Variants in ZNF609 observed in about 807,000 individuals in gnomAD.
ZNF609 encodes the protein zinc finger protein 609.
A neutral mutation model predicts 109.5 loss-of-function variants in ZNF609; 11 were observed. The observed-to-expected ratio is 0.10, with a 90% CI of 0.06 to 0.17. ZNF609 has a LOEUF of 0.17. Ranked by LOEUF, ZNF609 falls within the 10% of genes least tolerant of loss-of-function variation. The pLI, the probability that ZNF609 is intolerant of heterozygous loss-of-function variation, is 1.00. For missense variants in ZNF609, 1,559 were observed against 1,772.4 expected (o/e 0.88, Z 2.16); for synonymous variants, 646 against 662.0 (o/e 0.98, Z 0.37).
chr15:64,595,646 C>G (rs536517828), intron 2 of ZNF609, among the ~76,000 whole-genome samples: 159 of 152,290 alleles, frequency 1.0e-3, no homozygotes, highest in Admixed American at 3.4e-3. Flanking sequence ...TAACATCCAA[C>G]TACCTCATGT....
intron 2 of ZNF609, among the ~76,000 whole-genome samples, chr15:64,620,888 G>A (rs1434156787): frequency 6.6e-6 from 1 of 152,284 alleles, no homozygotes; most frequent in East Asian, 1.9e-4. Flanking sequence ...TTGTGGGAGG[G>A]AAATGGATTA....
At chr15:64,552,270 C>A (rs927196241) in intron 2 of ZNF609, among the ~76,000 whole-genome samples, 1 of 152,026 alleles carries the variant, frequency 6.6e-6, no homozygotes, top group Non-Finnish European at 1.5e-5. Context: ...TATTTTATTC[C>A]TGAAGTTTTG....
chr15:64,502,233 C>T (rs922391341), intron 2 of ZNF609: 1 of 152,222 alleles, frequency 6.6e-6, no homozygotes, highest in Admixed American at 6.5e-5. Context: ...TTCCCCTGTT[C>T]CCTCAACCCT....
chr15:64,483,311 C>T (rs1192845798), intron 1 of ZNF609, among the ~76,000 whole-genome samples: 3 of 152,154 alleles, frequency 2.0e-5, no homozygotes, highest in Non-Finnish European at 4.4e-5. Flanking sequence ...TCAGGCTGGT[C>T]TCGAACTCCC....
At chr15:64,676,385 G>A (rs1181245295) in intron 5 of ZNF609, 129 bp downstream of exon 5, 1 of 785,416 alleles carries the variant, frequency 1.3e-6, no homozygotes, top group Non-Finnish European at 1.9e-6. Context: ...TAATTTTAAG[G>A]ATTCTTTACC....
chr15:64,542,970 C>T (rs1385187308), intron 2 of ZNF609, among the ~76,000 whole-genome samples: 1 of 151,922 alleles, frequency 6.6e-6, no homozygotes, highest in Non-Finnish European at 1.5e-5. Context: ...GGGAGGGGAA[C>T]ATCACACACT....
intron 1 of ZNF609, among the ~76,000 whole-genome samples, chr15:64,462,689 C>T (rs925529706): frequency 3.3e-5 from 5 of 152,162 alleles, no homozygotes; most frequent in African/African-American, 1.2e-4. Flanking sequence ...AACAAAAAAG[C>T]CACAGAATTT....
rs1301303532 is a variant in ZNF609 at position 64,674,829 on chromosome 15, A to G, written c.1975A>G (p.Ile659Val). ...CAAGAGCCTAAAGTCAGCCCGTCCCATTGCCCCTGCCATCCCCCCACAGCA... is the reference window on the plus strand; with the variant it reads ...CAAGAGCCTAAAGTCAGCCCGTCCCGTTGCCCCTGCCATCCCCCCACAGCA... The part of the protein sequence containing the change: ...PSKSLKSARP[I>V]APAIPPQQIY... The change falls in exon 5 of 10, where the codon ATT becomes GTT. Residue 659 changes from isoleucine to valine, a missense_variant. Physicochemically the swap from Ile to Val is conservative, Grantham distance 29. This residue lies in a region of ZNF609 where 1,204 missense variants were observed against 1,314.1 expected (regional missense o/e 0.92). Coordinates refer to ENST00000326648, the MANE Select transcript of ZNF609 (RefSeq NM_015042.2). 5.0e-6 allele frequency: 8 copies of G among 1,613,210 alleles called. No homozygotes were observed. The highest frequency in any genetic ancestry group is 1.7e-5 in the Admixed American group (1 of 59,934).
intron 4 of ZNF609, among the ~76,000 whole-genome samples, chr15:64,671,968 T>C (rs916801616): frequency 6.6e-6 from 1 of 151,810 alleles, no homozygotes; most frequent in Admixed American, 6.6e-5. Context: ...TGCCTCTTAA[T>C]TTTCAGAGAT....
intron 2 of ZNF609, among the ~76,000 whole-genome samples, chr15:64,513,268 G>T (rs1464851313): frequency 6.6e-6 from 1 of 152,100 alleles, no homozygotes; most frequent in Non-Finnish European, 1.5e-5. Flanking sequence ...TATTAGACTA[G>T]ATCTTAATTT....
chr15:64,589,659 G>T (rs1347949443), intron 2 of ZNF609, among the ~76,000 whole-genome samples: 1 of 152,094 alleles, frequency 6.6e-6, no homozygotes, highest in East Asian at 1.9e-4. Context: ...ACTTCTATTT[G>T]AATAGTATTT....
chr15:64,630,599 T>A (rs924914659), intron 3 of ZNF609, among the ~76,000 whole-genome samples: 9 of 151,928 alleles, frequency 5.9e-5, no homozygotes, highest in African/African-American at 2.2e-4. Context: ...TTTCACTGTC[T>A]CCCCCAGCTG....
chr15:64,608,560 TACATCACC>T (rs1895650556), intron 2 of ZNF609, among the ~76,000 whole-genome samples: 1 of 152,204 alleles, frequency 6.6e-6, no homozygotes, highest in Non-Finnish European at 1.5e-5. Flanking sequence ...ACAGAACAGT[TACATCACC>T]ACATCACCAA....
At chr15:64,462,138 C>T (rs1218681421) in intron 1 of ZNF609, among the ~76,000 whole-genome samples, 2 of 152,166 alleles carry the variant, frequency 1.3e-5, no homozygotes, top group African/African-American at 2.4e-5. Flanking sequence ...TCTTCCTTTT[C>T]CAGACTGGGG....
chr15:64,555,407 G>A (rs1894563310), intron 2 of ZNF609, among the ~76,000 whole-genome samples: 2 of 152,136 alleles, frequency 1.3e-5, no homozygotes, highest in Non-Finnish European at 2.9e-5. Context: ...GCGCACGCCT[G>A]TAATCCCAGC....
chr15:64,460,962 TG>T (rs1194645441), intron 1 of ZNF609, 124 bp downstream of exon 1: 3 of 41,104 alleles, frequency 7.3e-5, no homozygotes, highest in African/African-American at 3.0e-4. Flanking sequence ...ACGGAGGAAG[TG>T]GGGGTTGGGG....
At chr15:64,668,017 G>T (rs796258501) in intron 3 of ZNF609, among the ~76,000 whole-genome samples, 13 of 152,292 alleles carry the variant, frequency 8.5e-5, no homozygotes, top group African/African-American at 3.1e-4. Flanking sequence ...TAGAATAGAA[G>T]TGTGATATCC....
intron 2 of ZNF609, among the ~76,000 whole-genome samples, chr15:64,583,574 C>T (rs906439435): frequency 6.6e-6 from 1 of 152,064 alleles, no homozygotes; most frequent in Non-Finnish European, 1.5e-5. Context: ...CCATCTTTTG[C>T]CTGCTTTCTC....
chr15:64,649,165 GTTATAAA>G (rs1896379020), intron 3 of ZNF609, among the ~76,000 whole-genome samples: 1 of 151,976 alleles, frequency 6.6e-6, no homozygotes. Context: ...AAATAGAATT[GTTATAAA>G]TTAAATGAAG....
Sources: allele counts gnomAD v4.1 joint callset (sites outside exome capture counted in the v4.1 genomes callset), GRCh38; gene constraint gnomAD v4.1.1; regional missense constraint gnomAD v4.1.1; transcripts MANE v1.5; gene names NCBI Gene and HGNC (gene_info 2026-07-23, HGNC 2026-07-21).